Variants in NR6A1 observed in about 807,000 individuals in gnomAD.
NR6A1 encodes nuclear receptor subfamily 6 group A member 1.
In NR6A1, 7 loss-of-function variants were observed where a neutral mutation model predicts 59.1. That is an observed-to-expected ratio of 0.12 (90% CI 0.07 to 0.22). NR6A1 has a LOEUF of 0.22. NR6A1 is among the 10% of genes least tolerant of loss of function. The pLI is 1.00. For synonymous variants in NR6A1, 243 were observed against 236.1 expected, an observed-to-expected ratio of 1.03 and a Z score of -0.27; for missense variants, 468 against 611.6, an observed-to-expected ratio of 0.77 and a Z score of 2.48.
chr9:124,662,811 C>A (rs1837486312), intron 2 of NR6A1, among the ~76,000 whole-genome samples: 1 of 152,202 alleles, frequency 6.6e-6, no homozygotes, highest in Admixed American at 6.5e-5. Context: ...TCAGCATGTT[C>A]TCTTGTGTTC....
chr9:124,524,605 T>C (rs1832880201), intron 9 of NR6A1, 116 bp downstream of exon 9: 1 of 1,182,230 alleles, frequency 8.5e-7, no homozygotes, highest in African/African-American at 1.5e-5. Context: ...GTGAGAACTC[T>C]TTCATGCAGT....
chr9:124,583,730 G>T (rs1834839409), intron 2 of NR6A1, among the ~76,000 whole-genome samples: 1 of 152,140 alleles, frequency 6.6e-6, no homozygotes, highest in African/African-American at 2.4e-5. Flanking sequence ...CCTCTGCTTA[G>T]GAGACCCTTT....
At chr9:124,740,372 C>A (rs1286256796) in intron 1 of NR6A1, among the ~76,000 whole-genome samples, 1 of 152,166 alleles carries the variant, frequency 6.6e-6, no homozygotes, top group Non-Finnish European at 1.5e-5. Flanking sequence ...ACAAACACAT[C>A]TGCAAATTTG....
At chr9:124,616,086 G>T (rs1835881031) in intron 2 of NR6A1, among the ~76,000 whole-genome samples, 1 of 151,990 alleles carries the variant, frequency 6.6e-6, no homozygotes, top group Non-Finnish European at 1.5e-5. Flanking sequence ...TCATGAAACA[G>T]AAATTTCCTG....
intron 2 of NR6A1, among the ~76,000 whole-genome samples, chr9:124,562,939 G>A (rs933326380): frequency 6.6e-6 from 1 of 152,168 alleles, no homozygotes; most frequent in East Asian, 1.9e-4. Flanking sequence ...TGAGGATAAA[G>A]AGATTTATAA....
chr9:124,650,692 A>T (rs960729299), intron 2 of NR6A1, among the ~76,000 whole-genome samples: 2 of 152,358 alleles, frequency 1.3e-5, no homozygotes, highest in East Asian at 3.9e-4. Flanking sequence ...AAAATATCAC[A>T]TGTACCCTAT....
At chr9:124,679,488 C>T (rs950986826) in intron 2 of NR6A1, among the ~76,000 whole-genome samples, 2 of 152,172 alleles carry the variant, frequency 1.3e-5, no homozygotes, top group African/African-American at 2.4e-5. Context: ...TGTCATAAAA[C>T]CATCCGTAGG....
intron 2 of NR6A1, among the ~76,000 whole-genome samples, chr9:124,650,315 G>A (rs1375201664): frequency 6.6e-6 from 1 of 152,134 alleles, no homozygotes; most frequent in African/African-American, 2.4e-5. Flanking sequence ...GAACTGTTAA[G>A]TGAATAAGCT....
At chr9:124,634,330 T>C (rs1836535898) in intron 2 of NR6A1, among the ~76,000 whole-genome samples, 1 of 152,224 alleles carries the variant, frequency 6.6e-6, no homozygotes, top group Admixed American at 6.5e-5. Context: ...ATTTAAGAAA[T>C]GTTTTCTTTT....
intron 2 of NR6A1, among the ~76,000 whole-genome samples, chr9:124,623,160 A>T (rs529073405): frequency 1.4e-4 from 22 of 152,246 alleles, no homozygotes; most frequent in African/African-American, 5.3e-4. Context: ...AGAAAGGGAA[A>T]CTGTCAAAAT....
intron 2 of NR6A1, among the ~76,000 whole-genome samples, chr9:124,713,510 T>C (rs1385495537): frequency 6.6e-6 from 1 of 152,126 alleles, no homozygotes; most frequent in African/African-American, 2.4e-5. Context: ...AAGAGATTAA[T>C]ATACAGAACA....
At chr9:124,588,926 AAAAAAAAGAAAG>A (rs1835018466) in intron 2 of NR6A1, among the ~76,000 whole-genome samples, 1 of 141,254 alleles carries the variant, frequency 7.1e-6, no homozygotes, top group African/African-American at 3.1e-5. Context: ...TCTCAAAAAA[AAAAAAAAGAAAG>A]AAAAAAAAAA....
chr9:124,633,402 CAAAAAAAAA>C (rs11337023), intron 2 of NR6A1, among the ~76,000 whole-genome samples: 3 of 72,762 alleles, frequency 4.1e-5, no homozygotes, highest in African/African-American at 1.1e-4. Context: ...AACTCCGTCT[CAAAAAAAAA>C]AAAAAAAAAA....
intron 2 of NR6A1, among the ~76,000 whole-genome samples, chr9:124,647,812 C>A (rs1437747444): frequency 1.3e-5 from 2 of 151,116 alleles, no homozygotes; most frequent in African/African-American, 4.9e-5. Flanking sequence ...AAGAAAGAGG[C>A]AGTAATAAAA....
chr9:124,560,020 A>G (rs186919747), intron 2 of NR6A1, among the ~76,000 whole-genome samples: 8 of 152,362 alleles, frequency 5.3e-5, no homozygotes, highest in Admixed American at 5.2e-4. Flanking sequence ...CACACATTTT[A>G]TAACAGGAAA....
chr9:124,744,748 C>T (rs1262578718), intron 1 of NR6A1, among the ~76,000 whole-genome samples: 1 of 152,210 alleles, frequency 6.6e-6, no homozygotes, highest in African/African-American at 2.4e-5. Context: ...TGAAGACTGA[C>T]TAAAGTCTTA....
intron 7 of NR6A1, among the ~76,000 whole-genome samples, chr9:124,527,113 T>G (rs531002511): frequency 5.9e-5 from 9 of 152,276 alleles, no homozygotes; most frequent in African/African-American, 1.7e-4. Context: ...AGAGTCAACC[T>G]AGGTTCAAAT....
intron 2 of NR6A1, among the ~76,000 whole-genome samples, chr9:124,568,677 A>G (rs184449255): frequency 1.1e-4 from 16 of 151,968 alleles, no homozygotes; most frequent in Non-Finnish European, 2.1e-4. Flanking sequence ...AGAAAAGCAA[A>G]GTGATTCACC....
At chr9:124,727,892 C>T (rs1280947895) in intron 2 of NR6A1, among the ~76,000 whole-genome samples, 1 of 151,982 alleles carries the variant, frequency 6.6e-6, no homozygotes, top group Non-Finnish European at 1.5e-5. Flanking sequence ...ACCATGTTAG[C>T]CAGGATGGTC....
Sources: gnomAD v4.1 joint callset for allele counts (sites outside exome capture counted in the v4.1 genomes callset) on GRCh38, gnomAD v4.1.1 for gene constraint, MANE v1.5 for transcripts, NCBI Gene and HGNC (gene_info 2026-07-23, HGNC 2026-07-21) for gene names.